The following FAM91A1 variants were observed in gnomAD, a reference collection of about 807,000 sequenced individuals.
FAM91A1 encodes the protein family with sequence similarity 91 member A1.
FAM91A1 carries 41 observed loss-of-function variants against 113.5 expected under a neutral mutation model. That is an observed-to-expected ratio of 0.36 (90% CI 0.28 to 0.47). FAM91A1 has a LOEUF of 0.47. FAM91A1 is among the 20% of genes least tolerant of loss of function. The pLI, the probability that FAM91A1 is intolerant of heterozygous loss-of-function variation, is 1.00. For missense variants in FAM91A1, 696 were observed against 1,001.2 expected, an observed-to-expected ratio of 0.70 and a Z score of 4.11; for synonymous variants, 307 against 347.9, an observed-to-expected ratio of 0.88 and a Z score of 1.31.
At chr8:123,791,029 T>C (rs1269979895) in intron 15 of FAM91A1, among the ~76,000 whole-genome samples, 1 of 152,242 alleles carries the variant, frequency 6.6e-6, no homozygotes, top group Non-Finnish European at 1.5e-5. Context: ...TTTCTGGGAC[T>C]TTTTAGTGAT....
chr8:123,770,569 A>G (rs562900231), intron 1 of FAM91A1, among the ~76,000 whole-genome samples: 29 of 152,316 alleles, frequency 1.9e-4, no homozygotes, highest in African/African-American at 6.5e-4. Flanking sequence ...CCAAAGACAC[A>G]AGAAGAACAA....
chr8:123,774,046 A>T (rs776543377), intron 1 of FAM91A1, 34 bp from the exon 2 acceptor site: 1 of 1,551,858 alleles, frequency 6.4e-7, no homozygotes, highest in East Asian at 2.3e-5. Flanking sequence ...TTCAGTTTGG[A>T]AGTTGTTTAA....
chr8:123,781,315 A>G (rs1184955654), intron 8 of FAM91A1, among the ~76,000 whole-genome samples: 2 of 152,170 alleles, frequency 1.3e-5, no homozygotes, highest in African/African-American at 4.8e-5. Flanking sequence ...AATGACCCTA[A>G]TATTAACAAA....
Position 123,778,044 on chromosome 8 carries a change from A to G in FAM91A1, c.387A>G (p.Ile129Met). The G allele has an allele frequency of 6.2e-7, 1 of 1,612,580 alleles. No individual in the cohort carries two copies. Among genetic ancestry groups the G allele is most frequent in the Non-Finnish European group, 8.5e-7 (1 of 1,179,226 alleles). Residue 129 changes from isoleucine to methionine, a missense_variant, in exon 5 of 24, where the codon ATA becomes ATG. Transcript: ENST00000334705. Reference protein sequence around the residue: ...TAADCLRLLGIGRNQYIDLMN... With the variant: ...TAADCLRLLGMGRNQYIDLMN... ...TTTCAGGTCTAAGGCTTCTTGGCAT[A>G]GGAAGAAACCAGTATATTGATCTTA...
At chr8:123,787,854 G>A (rs1815295938) in intron 14 of FAM91A1, 104 bp downstream of exon 14, 1 of 869,602 alleles carries the variant, frequency 1.1e-6, no homozygotes, top group Non-Finnish European at 1.7e-6. Flanking sequence ...GGCTTTCAGT[G>A]TATTCTTGCT....
At chr8:123,801,977 G>C (rs1815693853) in intron 18 of FAM91A1, among the ~76,000 whole-genome samples, 1 of 152,138 alleles carries the variant, frequency 6.6e-6, no homozygotes, top group Non-Finnish European at 1.5e-5. Flanking sequence ...GGAGTGTGAG[G>C]GGGTTGTGGT....
Position 123,774,168 on chromosome 8 carries a change from A to G in FAM91A1, c.157+4A>G. 1 of 1,603,752 alleles carries G rather than the reference A, an allele frequency of 6.2e-7. No individual in the cohort carries two copies. Among genetic ancestry groups the G allele is most frequent in the Non-Finnish European group, 8.5e-7 (1 of 1,175,796 alleles). On this transcript the variant is annotated splice_donor_region_variant and intron_variant, in intron 2 of 23. Coordinates refer to ENST00000334705, the MANE Select transcript of FAM91A1 (RefSeq NM_144963.4). The stretch of plus-strand genomic sequence containing the variant: ...TTACGATATAGAAATAACTTAGGTA[A>G]GTAGAGCCATGTTTATATTGGGGTG...
Position 123,814,342 on chromosome 8 carries a change from TA to T in FAM91A1, c.*1639del. On this transcript the variant is annotated 3_prime_UTR_variant, in exon 24 of 24. Coordinates refer to ENST00000334705, the MANE Select transcript of FAM91A1 (RefSeq NM_144963.4). ...CAGTTTTTCAGCTGAAAGTTGTAAGTATTTTTTTTTTTTGATCGGGGCTCTT... is the reference window on the plus strand; with the variant it reads ...CAGTTTTTCAGCTGAAAGTTGTAAGTTTTTTTTTTTTTGATCGGGGCTCTT... The T allele has an allele frequency of 4.7e-6, 1 of 214,468 alleles. No individual in the cohort carries two copies. The highest frequency in any genetic ancestry group is 1.7e-4 in the East Asian group (1 of 5,722). 13.3% of individuals were successfully genotyped at this position (214,468 alleles called of 1,614,324 possible). A position where few individuals can be genotyped will look rare whatever the true frequency, so the allele number is the denominator to read the frequency against.
intron 5 of FAM91A1, 136 bp downstream of exon 5, chr8:123,778,228 C>A: frequency 1.6e-6 from 1 of 612,752 alleles, no homozygotes; most frequent in South Asian, 2.5e-5. Context: ...ACAAAAAAAA[C>A]TCCTCAGTAT....
intron 11 of FAM91A1, chr8:123,786,228 A>G (rs1815254422): frequency 5.1e-6 from 2 of 393,478 alleles, no homozygotes; most frequent in East Asian, 8.7e-5. Context: ...GAAAACTAAG[A>G]AGGCTTTTCC....
chr8:123,769,481 T>C (rs1814787350), intron 1 of FAM91A1, among the ~76,000 whole-genome samples: 1 of 152,206 alleles, frequency 6.6e-6, no homozygotes, highest in Non-Finnish European at 1.5e-5. Context: ...TTGTGTGCTT[T>C]GTTTTGTTGG....
chr8:123,810,527 C>T (rs1361473610), intron 23 of FAM91A1, 176 bp downstream of exon 23: 6 of 708,460 alleles, frequency 8.5e-6, no homozygotes, highest in Non-Finnish European at 1.2e-5. Flanking sequence ...TTTCACTCGC[C>T]AGGTCTTCGG....
intron 14 of FAM91A1, among the ~76,000 whole-genome samples, chr8:123,787,959 A>G (rs550048765): frequency 1.3e-5 from 2 of 152,334 alleles, no homozygotes; most frequent in African/African-American, 4.8e-5. Flanking sequence ...TTAAAGTGAT[A>G]TGTCTACCTC....
Position 123,808,781 on chromosome 8 carries a change from G to A in FAM91A1, c.2138-112G>A, listed in dbSNP as rs113957283. On this transcript the variant is annotated intron_variant, in intron 21 of 23. Coordinates refer to ENST00000334705, the MANE Select transcript of FAM91A1 (RefSeq NM_144963.4). ...GCCAAGCCCACTGGTGGATATCAGT[G>A]GGGCAGGAGGAATCTATGAACTTCA... The A allele has an allele frequency of 2.3e-5, 24 of 1,047,944 alleles. No homozygotes were observed. In the African/African-American group the frequency reaches 2.7e-4, roughly 12 times the overall value. The allele number at this position is 1,047,944 out of a possible 1,614,324, so 64.9% of individuals were successfully genotyped here.
At chr8:123,773,943 A>G in intron 1 of FAM91A1, 137 bp from the exon 2 acceptor site, 1 of 643,430 alleles carries the variant, frequency 1.6e-6, no homozygotes, top group South Asian at 2.1e-5. Context: ...ATTTAAGAAA[A>G]TATTTTTTAT....
chr8:123,784,122 A>T (rs1430951925), intron 8 of FAM91A1, among the ~76,000 whole-genome samples: 2 of 152,184 alleles, frequency 1.3e-5, no homozygotes, highest in Admixed American at 6.5e-5. Context: ...GGCATCAAAA[A>T]CACATGTATC....
intron 3 of FAM91A1, 141 bp downstream of exon 3, chr8:123,775,439 T>A: frequency 9.7e-7 from 1 of 1,033,242 alleles, no homozygotes; most frequent in Non-Finnish European, 1.4e-6. Context: ...GGACTATTGG[T>A]GGCTTGTTAA....
At chr8:123,775,675 A>T (rs755495788) in intron 3 of FAM91A1, among the ~76,000 whole-genome samples, 1 of 152,148 alleles carries the variant, frequency 6.6e-6, no homozygotes, top group Non-Finnish European at 1.5e-5. Flanking sequence ...TGAGAAAATT[A>T]ATGTATTTAG....
intron 1 of FAM91A1, 48 bp downstream of exon 1, chr8:123,768,822 A>G: frequency 6.3e-7 from 1 of 1,577,724 alleles, no homozygotes; most frequent in Non-Finnish European, 8.7e-7. Context: ...CGGCCCGCCC[A>G]GCGGTCACCT....
Sources: allele counts gnomAD v4.1 joint callset (sites outside exome capture counted in the v4.1 genomes callset), GRCh38; gene constraint gnomAD v4.1.1; transcripts MANE v1.5; gene names NCBI Gene and HGNC (gene_info 2026-07-23, HGNC 2026-07-21).